NAA60: variants seen among roughly 807,000 people sequenced by gnomAD.
The protein encoded by NAA60 is N-alpha-acetyltransferase 60, NatF catalytic subunit.
In NAA60, 8 loss-of-function variants were observed where a neutral mutation model predicts 26.1. That is an observed-to-expected ratio of 0.31 (90% CI 0.18 to 0.55). The LOEUF is 0.55. NAA60 is among the 20% of genes least tolerant of loss of function. The pLI, the probability that NAA60 is intolerant of heterozygous loss-of-function variation, is 0.93. For synonymous variants in NAA60, 131 were observed against 122.5 expected (o/e 1.07, Z -0.46); for missense variants, 290 against 311.3 (o/e 0.93, Z 0.51).
chr16:3,445,903 A>T (rs1299036650), intron 1 of NAA60, among the ~76,000 whole-genome samples: 1 of 152,230 alleles, frequency 6.6e-6, no homozygotes, highest in African/African-American at 2.4e-5. Flanking sequence ...TCCTGAAAAT[A>T]AAGAGATGAC....
At chr16:3,454,411 G>A (rs1389273327) in intron 2 of NAA60, among the ~76,000 whole-genome samples, 1 of 152,156 alleles carries the variant, frequency 6.6e-6, no homozygotes, top group Non-Finnish European at 1.5e-5. Flanking sequence ...TGCTGGAAGA[G>A]GCCTTAGAGC....
chr16:3,457,906 TG>T (rs1357621366), intron 2 of NAA60: 33 of 383,534 alleles, frequency 8.6e-5, no homozygotes, highest in Non-Finnish European at 9.8e-5. Flanking sequence ...GCACGGAGCC[TG>T]CCCGCTCCCA....
chr16:3,458,812 C>G (rs1299368764), intron 2 of NAA60, among the ~76,000 whole-genome samples: 2 of 152,192 alleles, frequency 1.3e-5, no homozygotes, highest in African/African-American at 2.4e-5. Flanking sequence ...ACCCCCAGCT[C>G]CGACTTTCTT....
chr16:3,484,470 C>G (rs1447367228), intron 6 of NAA60: 1 of 598,588 alleles, frequency 1.7e-6, no homozygotes, highest in Non-Finnish European at 2.9e-6. Context: ...TGCTGCCTCA[C>G]TCAGAAGGCC....
chr16:3,462,273 T>C (rs897433197), intron 2 of NAA60, among the ~76,000 whole-genome samples: 1 of 152,152 alleles, frequency 6.6e-6, no homozygotes, highest in African/African-American at 2.4e-5. Flanking sequence ...AATTTCATTT[T>C]ATAAAATAGT....
At chr16:3,446,339 G>C (rs2034551180) in intron 1 of NAA60, among the ~76,000 whole-genome samples, 1 of 151,980 alleles carries the variant, frequency 6.6e-6, no homozygotes, top group Admixed American at 6.6e-5. Flanking sequence ...AGACCATCCT[G>C]GCTAACACGA....
At chr16:3,463,867 C>T (rs902807069) in intron 2 of NAA60, among the ~76,000 whole-genome samples, 4 of 152,056 alleles carry the variant, frequency 2.6e-5, no homozygotes, top group African/African-American at 4.8e-5. Flanking sequence ...TGTGTGTGTT[C>T]GTCATTTTGA....
chr16:3,474,441 G>T (rs887501605), intron 2 of NAA60, among the ~76,000 whole-genome samples: 1 of 152,228 alleles, frequency 6.6e-6, no homozygotes. Context: ...CCGCAGAGAA[G>T]GCTCCAGGAA....
intron 2 of NAA60, among the ~76,000 whole-genome samples, chr16:3,466,322 G>A (rs2035759813): frequency 6.6e-6 from 1 of 152,210 alleles, no homozygotes. Context: ...AGAGTGGTGG[G>A]TGTTTGCTTC....
At chr16:3,476,045 G>A in intron 2 of NAA60, 177 bp from the exon 3 acceptor site, 1 of 578,256 alleles carries the variant, frequency 1.7e-6, no homozygotes, top group Non-Finnish European at 3.1e-6. Flanking sequence ...CAGCGATGGG[G>A]GCGACTGCAG....
chr16:3,446,356 C>G (rs554481206), intron 1 of NAA60, among the ~76,000 whole-genome samples: 17 of 151,666 alleles, frequency 1.1e-4, no homozygotes, highest in African/African-American at 4.1e-4. Flanking sequence ...ACGATGAAAC[C>G]CCATCTATAC....
chr16:3,472,798 G>A (rs943908212), intron 2 of NAA60, among the ~76,000 whole-genome samples: 13 of 152,094 alleles, frequency 8.5e-5, no homozygotes, highest in Admixed American at 6.5e-4. Context: ...CAGATCTAAC[G>A]CCCATTAATA....
Position 3,456,476 on chromosome 16 carries a change from A to T in NAA60, c.-7+7936A>T, listed in dbSNP as rs193138852. The stretch of plus-strand genomic sequence containing the variant: ...TTTAACCCCATCTTTTATTTTGAAA[A>T]TTTCAAACCTCCTCAATTTTTGAAA... On this transcript the variant is annotated intron_variant, in intron 2 of 7. Coordinates refer to ENST00000407558, the MANE Select transcript of NAA60 (RefSeq NM_001083601.3). 2.9e-4 allele frequency among the ~76,000 whole-genome samples: 44 copies of T among 152,032 alleles called. No individual in the cohort carries two copies. In the East Asian group the frequency reaches 6.2e-3, roughly 21 times the overall value.
At chr16:3,480,546 G>A (rs973496754) in intron 4 of NAA60, among the ~76,000 whole-genome samples, 2 of 151,512 alleles carry the variant, frequency 1.3e-5, no homozygotes, top group East Asian at 1.9e-4. Flanking sequence ...GCAGTGAGCC[G>A]AGATCGTGCC....
In NAA60 at chr16:3,476,295, T is replaced by C. The variant is rs781156591; in HGVS notation, c.68T>C (p.Ile23Thr). 2 of 1,603,534 alleles carry C rather than the reference T, an allele frequency of 1.2e-6. No individual in the cohort carries two copies. The highest frequency in any genetic ancestry group is 1.7e-6 in the Non-Finnish European group (2 of 1,173,448). Reference sequence around the variant, plus strand: ...CTGCGCCTCCTCTGCCACGATGACATAGACACTGTGAAGCACCTGTGTGGC... The same window carrying C: ...CTGCGCCTCCTCTGCCACGATGACACAGACACTGTGAAGCACCTGTGTGGC... ...VSLRLLCHDD[I>T]DTVKHLCGDW... Residue 23 changes from isoleucine (I) to threonine (T), a missense_variant, in exon 3 of 8, where the codon ATA becomes ACA. Transcript: ENST00000407558.
At chr16:3,468,627 C>T (rs924236678) in intron 2 of NAA60, among the ~76,000 whole-genome samples, 2 of 152,224 alleles carry the variant, frequency 1.3e-5, no homozygotes, top group African/African-American at 2.4e-5. Context: ...GGCGCAAGCA[C>T]GGCTTTTGTT....
intron 2 of NAA60, among the ~76,000 whole-genome samples, chr16:3,470,514 A>T (rs567314993): frequency 2.0e-5 from 3 of 152,154 alleles, no homozygotes; most frequent in African/African-American, 7.2e-5. Flanking sequence ...AACCAGCTCC[A>T]CGTCCTTCCC....
chr16:3,457,814 C>G (rs1219834848), intron 2 of NAA60, among the ~76,000 whole-genome samples: 1 of 152,168 alleles, frequency 6.6e-6, no homozygotes, highest in South Asian at 2.1e-4. Flanking sequence ...CCGGCCATGT[C>G]TCGGCGACCT....
Position 3,483,576 on chromosome 16 carries a change from G to T in NAA60, c.551G>T (p.Gly184Val). The T allele has an allele frequency of 6.2e-7, 1 of 1,612,272 alleles. No individual in the cohort carries two copies. The highest frequency in any genetic ancestry group is 8.5e-7 in the Non-Finnish European group (1 of 1,179,362). The change falls in exon 6 of 8, where the codon GGC (glycine) becomes GTC (valine). Residue 184 changes from glycine (G) to valine (V), a missense_variant. Coordinates refer to ENST00000407558, the MANE Select transcript of NAA60 (RefSeq NM_001083601.3). ...GFTYVLYING[G>V]HPPWTILDYI... ...ACCTATGTCCTCTACATCAACGGCG[G>T]CCACCCTCCCTGGACGATTTTATAT...
Sources: gnomAD v4.1 joint callset for allele counts (sites outside exome capture counted in the v4.1 genomes callset) on GRCh38, gnomAD v4.1.1 for gene constraint, MANE v1.5 for transcripts, NCBI Gene and HGNC (gene_info 2026-07-23, HGNC 2026-07-21) for gene names.